Variants in SLA observed in about 807,000 individuals in gnomAD.
SLA encodes the protein Src like adaptor, also known as src-like-adapter.
A neutral mutation model predicts 30.3 loss-of-function variants in SLA; 16 were observed. The ratio of observed to expected loss-of-function variants is 0.53; its 90% CI spans 0.36 to 0.80. The LOEUF (loss-of-function observed/expected upper bound fraction) is 0.80, where lower values mean the gene tolerates loss of function less well. Among genes scored for constraint, SLA ranks in the 30% least tolerant of loss-of-function variants. The probability of loss-of-function intolerance (pLI) is 0.01; values close to 1 mark genes in which losing one functional copy is unlikely to be tolerated. For missense variants in SLA, 310 were observed against 345.2 expected, an observed-to-expected ratio of 0.90 and a Z score of 0.81; for synonymous variants, 143 against 137.8, an observed-to-expected ratio of 1.04 and a Z score of -0.26.
At chr8:133,056,714 G>T (rs926533108) in intron 3 of SLA, among the ~76,000 whole-genome samples, 40 of 152,206 alleles carry the variant, frequency 2.6e-4, no homozygotes, top group East Asian at 1.9e-4. Context: ...AAAGCACTGG[G>T]CACTGTGTCT....
chr8:133,056,808 T>A (rs944322642), intron 3 of SLA, among the ~76,000 whole-genome samples: 9 of 152,160 alleles, frequency 5.9e-5, no homozygotes, highest in African/African-American at 2.2e-4. Flanking sequence ...CTCTTTCTCA[T>A]CTCTCGTTGT....
At chr8:133,102,480 T>G in intron 1 of SLA, 73 bp downstream of exon 1, 1 of 1,370,142 alleles carries the variant, frequency 7.3e-7, no homozygotes, top group Non-Finnish European at 1.0e-6. Flanking sequence ...CTGAAGACCC[T>G]CCCCCACATA....
intron 3 of SLA, among the ~76,000 whole-genome samples, chr8:133,055,688 C>T (rs1474609938): frequency 2.0e-5 from 3 of 152,170 alleles, no homozygotes; most frequent in South Asian, 4.1e-4. Context: ...AGGGCTAGCA[C>T]AGAACAGAAG....
chr8:133,094,638 G>A (rs1848137227), intron 1 of SLA: 1 of 302,786 alleles, frequency 3.3e-6, no homozygotes, highest in East Asian at 7.9e-5. Flanking sequence ...CAGCTTGCTA[G>A]TTAAGGAGCC....
rs990483412 is a variant in SLA at position 133,063,380 on chromosome 8, A to G, written c.-40-3180T>C. On this transcript the variant is annotated intron_variant, in intron 2 of 8. Coordinates refer to ENST00000338087, the MANE Select transcript of SLA (RefSeq NM_001045556.3). ...TCCTTTATGTCAACCATTCCAGAAA[A>G]CAAGTCAGAACAAGATTTTGCTATC... Among the ~76,000 whole-genome samples the G allele has an allele frequency of 5.9e-5, 9 of 152,010 alleles. No individual in the cohort carries two copies. In the East Asian group the frequency reaches 1.7e-3, roughly 29 times the overall value.
At chr8:133,070,088 G>A (rs555059268) in intron 2 of SLA, among the ~76,000 whole-genome samples, 1 of 151,860 alleles carries the variant, frequency 6.6e-6, no homozygotes, top group Non-Finnish European at 1.5e-5. Flanking sequence ...GTGGGCCTAG[G>A]AGACCGCGGA....
intron 1 of SLA, chr8:133,089,993 T>C (rs1349098216): frequency 6.6e-6 from 1 of 152,206 alleles, no homozygotes; most frequent in Non-Finnish European, 1.5e-5. Flanking sequence ...CTCCTGCTGA[T>C]TACTGGACAG....
chr8:133,065,187 C>A (rs1842881360), intron 2 of SLA, among the ~76,000 whole-genome samples: 1 of 152,176 alleles, frequency 6.6e-6, no homozygotes. Context: ...CACCCCCATC[C>A]CACAATTGGT....
chr8:133,072,460 A>C (rs1587993323), intron 2 of SLA, among the ~76,000 whole-genome samples: 1 of 152,352 alleles, frequency 6.6e-6, no homozygotes, highest in East Asian at 1.9e-4. Context: ...ATAGATAGAT[A>C]GATGGATAGA....
At chr8:133,048,512 T>G (rs549478227) in intron 5 of SLA, 278 of 155,202 alleles carry the variant, frequency 1.8e-3, no homozygotes, top group Non-Finnish European at 3.2e-3. Context: ...TGAGCTACCG[T>G]GCTCAGCCCT....
chr8:133,086,901 A>C (rs1846651841), intron 1 of SLA, among the ~76,000 whole-genome samples: 1 of 152,240 alleles, frequency 6.6e-6, no homozygotes, highest in Admixed American at 6.5e-5. Flanking sequence ...TAACCTGTCT[A>C]TAACATTCTC....
At chr8:133,072,047 C>T (rs939344364) in intron 2 of SLA, among the ~76,000 whole-genome samples, 1 of 152,154 alleles carries the variant, frequency 6.6e-6, no homozygotes, top group Admixed American at 6.5e-5. Context: ...AGCTATTTTG[C>T]CCCTAAGCAC....
rs1355056206 is a variant in SLA at position 133,094,843 on chromosome 8, A to T, written c.-319+7710T>A. On this transcript the variant is annotated intron_variant, in intron 1 of 8. Coordinates refer to ENST00000338087, the MANE Select transcript of SLA (RefSeq NM_001045556.3). ...CAGGTTAGGAAACTGAGGCCTAGAG[A>T]GACATCTTCAGTATCACACTGCATG... 7.2e-6 allele frequency: 5 copies of T among 690,550 alleles called. No homozygotes were observed. In the East Asian group the frequency reaches 8.2e-5, roughly 11 times the overall value. The allele number at this position is 690,550 out of a possible 1,614,324, so 42.8% of individuals were successfully genotyped here. A position where few individuals can be genotyped will look rare whatever the true frequency, so the allele number is the denominator to read the frequency against.
At position 133,040,296 on chromosome 8, in the gene SLA, G is replaced by A. The variant is rs974097474; in HGVS notation, c.485-166C>T. ...AGGTGGTGACAATGCTGAAAGTCAC[G>A]CGCCCAGCTGTTTGAGAAATGTAAG... On this transcript the variant is annotated intron_variant, in intron 7 of 8. Coordinates refer to ENST00000338087, the MANE Select transcript of SLA (RefSeq NM_001045556.3). The A allele has an allele frequency of 4.9e-5, 34 of 698,102 alleles. No individual in the cohort carries two copies. In the Middle Eastern group the frequency reaches 1.6e-3, roughly 33 times the overall value. The allele number at this position is 698,102 out of a possible 1,614,324, so 43.2% of individuals were successfully genotyped here. A position where few individuals can be genotyped will look rare whatever the true frequency, so the allele number is the denominator to read the frequency against.
At chr8:133,054,915 A>G (rs1282634569) in intron 3 of SLA, among the ~76,000 whole-genome samples, 1 of 152,188 alleles carries the variant, frequency 6.6e-6, no homozygotes, top group Non-Finnish European at 1.5e-5. Flanking sequence ...TGCTGAGAAC[A>G]TTCTCAGTCA....
chr8:133,042,678 C>CTTGTTTTTT (rs1838497259), intron 7 of SLA, among the ~76,000 whole-genome samples: 2 of 56,732 alleles, frequency 3.5e-5, no homozygotes, highest in Admixed American at 2.7e-4. Context: ...CATTCTGTGT[C>CTTGTTTTTT]TTTTTTTTTT....
intron 1 of SLA, among the ~76,000 whole-genome samples, chr8:133,088,256 G>GCTCCTCCTCCTCCTC (rs5895174): frequency 6.6e-6 from 1 of 151,358 alleles, no homozygotes; most frequent in African/African-American, 2.4e-5. Context: ...CTCCCCTCCT[G>GCTCCTCCTCCTCCTC]CTCCTCCTCC....
intron 1 of SLA, among the ~76,000 whole-genome samples, chr8:133,089,033 C>T (rs989840221): frequency 2.0e-5 from 3 of 152,212 alleles, no homozygotes; most frequent in Non-Finnish European, 2.9e-5. Context: ...AGCTGGCCCA[C>T]GACACCTTGG....
intron 3 of SLA, among the ~76,000 whole-genome samples, chr8:133,052,804 G>A (rs571011458): frequency 9.2e-5 from 14 of 152,324 alleles, no homozygotes; most frequent in South Asian, 4.1e-4. Context: ...GGTCTCAGGC[G>A]TATGATTTGT....
Sources: gnomAD v4.1 joint callset for allele counts (sites outside exome capture counted in the v4.1 genomes callset) on GRCh38, gnomAD v4.1.1 for gene constraint, MANE v1.5 for transcripts, NCBI Gene and HGNC (gene_info 2026-07-23, HGNC 2026-07-21) for gene names.